CST4: variants seen among roughly 807,000 people sequenced by gnomAD.
CST4 encodes cystatin-S.
Under a neutral mutation model 11.2 loss-of-function variants are expected in CST4, and 17 were observed. The ratio of observed to expected loss-of-function variants is 1.52; its 90% CI spans 1.04 to 2.27. The LOEUF (loss-of-function observed/expected upper bound fraction) is 2.27, where lower values mean the gene tolerates loss of function less well. Among genes scored for constraint, CST4 ranks in the 30% most tolerant of loss-of-function variants. CST4 has a pLI of 0.00. For synonymous variants in CST4, 93 were observed against 70.1 expected (o/e 1.33, Z -1.63); for missense variants, 251 against 180.2 (o/e 1.39, Z -2.25).
chr20:23,686,314 C>T lies in CST4; in HGVS notation c.343-337G>A, dbSNP rs142082801. ...GCTCAGTTCCCCCAGCTCCTTCCAC[C>T]TCCAGCACCCAGGCCAGCACTAAGA... On this transcript the variant is annotated intron_variant, in intron 2 of 2. Coordinates refer to ENST00000217423, the MANE Select transcript of CST4 (RefSeq NM_001899.3). 9.8e-3 allele frequency among the ~76,000 whole-genome samples: 1,494 copies of T among 152,248 alleles called. 26 individuals are homozygous for T. The highest frequency in any genetic ancestry group is 0.034 in the African/African-American group (1,396 of 41,546).
intron 1 of CST4, among the ~76,000 whole-genome samples, chr20:23,688,062 G>T (rs1204023540): frequency 1.3e-5 from 2 of 152,194 alleles, no homozygotes; most frequent in East Asian, 3.9e-4. Context: ...ACTATTTGCT[G>T]CTCTGCCATG....
intron 2 of CST4, among the ~76,000 whole-genome samples, chr20:23,686,857 C>A (rs1981059804): frequency 6.6e-6 from 1 of 152,112 alleles, no homozygotes; most frequent in South Asian, 2.1e-4. Flanking sequence ...TGCTTCCATA[C>A]ACCTACCCGC....
At position 23,687,194 on chromosome 20, in the gene CST4, C is replaced by A. The variant is rs376322004; in HGVS notation, c.236G>T (p.Gly79Val). 63 of 1,613,882 alleles carry A rather than the reference C, an allele frequency of 3.9e-5. No homozygotes were observed. Among genetic ancestry groups the A allele is most frequent in the South Asian group, 2.0e-4 (18 of 91,094 alleles). The change falls in exon 2 of 3, where the codon GGG (glycine) becomes GTG (valine). Residue 79 changes from glycine to valine, a missense_variant. Gly to Val is a moderately radical substitution (Grantham distance 109). Coordinates refer to ENST00000217423, the MANE Select transcript of CST4 (RefSeq NM_001899.3). ...TACGTCGAAGAAGTAATTCACCCCC[C>A]CAAAGGTCTGCACACAGGAGAAAAC... is the stretch of plus-strand genomic sequence containing the variant. ...QVLRAREQTF[G>V]GVNYFFDVEV...
rs761150010 is a variant in CST4, at chr20:23,688,987, A to G, written c.-18T>C. ...CGGGCCATGGTCTCCTCAGAGGCAG[A>G]GCACAAAGCTGGAGCTGCAGGAGAG... On this transcript the variant is annotated 5_prime_UTR_variant, in exon 1 of 3. Coordinates refer to ENST00000217423, the MANE Select transcript of CST4 (RefSeq NM_001899.3). The G allele has an allele frequency of 1.9e-6, 3 of 1,610,492 alleles. No homozygotes were observed. In the South Asian group the frequency reaches 3.3e-5, roughly 18 times the overall value.
At chr20:23,687,044 C>T (rs767898600) in intron 2 of CST4, 44 bp downstream of exon 2, 1 of 1,613,038 alleles carries the variant, frequency 6.2e-7, no homozygotes. Flanking sequence ...ATACGCACCC[C>T]TCTGCAGTGC....
At chr20:23,686,217 C>T (rs1568723697) in intron 2 of CST4, among the ~76,000 whole-genome samples, 1 of 152,156 alleles carries the variant, frequency 6.6e-6, no homozygotes, top group Non-Finnish European at 1.5e-5. Flanking sequence ...GTGTCCTGTC[C>T]CATCACAGCC....
At chr20:23,686,277 C>T (rs1374861092) in intron 2 of CST4, among the ~76,000 whole-genome samples, 1 of 152,134 alleles carries the variant, frequency 6.6e-6, no homozygotes, top group Non-Finnish European at 1.5e-5. Context: ...GGGTGCAGGA[C>T]ATGGGGAGGT....
rs750948834 is a variant in CST4, at chr20:23,688,946, C to G, written c.24G>C (p.Leu8=). 6.2e-7 allele frequency: 1 copy of G among 1,614,062 alleles called. No individual in the cohort carries two copies. Among genetic ancestry groups the G allele is most frequent in the Non-Finnish European group, 8.5e-7 (1 of 1,179,978 alleles). Residue 8 remains leucine, a synonymous_variant, in exon 1 of 3, where the codon CTG becomes CTC. Transcript: ENST00000217423. ...CAGCCAGGGTAGCCATCAGGAGTAGCAGGGTACACAGAGGCCGGGCCATGG... is the reference window on the plus strand; with the variant it reads ...CAGCCAGGGTAGCCATCAGGAGTAGGAGGGTACACAGAGGCCGGGCCATGG... The part of the protein sequence containing the change: MARPLCT[L]LLLMATLAGA...
At chr20:23,688,599 A>G in intron 1 of CST4, 143 bp downstream of exon 1, 2 of 781,964 alleles carry the variant, frequency 2.6e-6, no homozygotes, top group Non-Finnish European at 2.1e-6. Context: ...CATGAAGGGC[A>G]TCAGCGGAGA....
At position 23,685,921 on chromosome 20, in the gene CST4, C is replaced by G; in HGVS notation, c.399G>C (p.Leu133=). Reference sequence around the variant, plus strand: ...AGGCTTCTTGACACCTGGAATTCACCAGGGACATTCTGTCCTCCCAGGGAA... The same window carrying G: ...AGGCTTCTTGACACCTGGAATTCACGAGGGACATTCTGTCCTCCCAGGGAA... ...YEVPWEDRMS[L]VNSRCQEA The change falls in exon 3 of 3, where the codon CTG becomes CTC. Residue 133 remains leucine (L), a synonymous_variant. Transcript: ENST00000217423. 2 of 1,614,106 alleles carry G rather than the reference C, an allele frequency of 1.2e-6. No homozygotes were observed. The highest frequency in any genetic ancestry group is 8.5e-7 in the Non-Finnish European group (1 of 1,179,936).
At chr20:23,687,840 C>A (rs1981098031) in intron 1 of CST4, among the ~76,000 whole-genome samples, 1 of 152,224 alleles carries the variant, frequency 6.6e-6, no homozygotes, top group Non-Finnish European at 1.5e-5. Context: ...ATAAAATAGG[C>A]TTCCAGGTCT....
At chr20:23,687,032 A>C in intron 2 of CST4, 56 bp downstream of exon 2, 4 of 1,608,010 alleles carry the variant, frequency 2.5e-6, no homozygotes, top group Non-Finnish European at 3.4e-6. Flanking sequence ...AGAGGCTGAC[A>C]CATACGCACC....
intron 1 of CST4, 83 bp downstream of exon 1, chr20:23,688,659 G>T (rs2122561983): frequency 1.6e-6 from 2 of 1,280,040 alleles, no homozygotes; most frequent in Non-Finnish European, 2.3e-6. Context: ...ATGTGTCAGT[G>T]TTGATTTGCT....
In CST4 at chr20:23,688,763, C is replaced by T. The variant is rs772677988; in HGVS notation, c.207G>A (p.Gln69=). Residue 69 remains glutamine, a synonymous_variant, in exon 1 of 3, where the codon CAG becomes CAA. Transcript: ENST00000217423. ...CCACCTGCTCCCTGGCTCGCAGCAC[C>T]TGCAGCGGGCGTCTGTAGTACTCAT... is the stretch of plus-strand genomic sequence containing the variant. The part of the protein sequence containing the change: ...TEDEYYRRPL[Q]VLRAREQTFG... 3 of 1,614,182 alleles carry T rather than the reference C, an allele frequency of 1.9e-6. No homozygotes were observed. Among genetic ancestry groups the T allele is most frequent in the Non-Finnish European group, 1.7e-6 (2 of 1,180,020 alleles).
chr20:23,685,985 A>T lies in CST4; in HGVS notation c.343-8T>A. On this transcript the variant is annotated splice_polypyrimidine_tract_variant and splice_region_variant and intron_variant, in intron 2 of 2. Coordinates refer to ENST00000217423, the MANE Select transcript of CST4 (RefSeq NM_001899.3). Reference sequence around the variant, plus strand: ...GAAAGAGCACAACTGTTTCTGTGAAAGGGAAGAGAGAGGGCCAATCAGTGT... The same window carrying T: ...GAAAGAGCACAACTGTTTCTGTGAATGGGAAGAGAGAGGGCCAATCAGTGT... 1.2e-6 allele frequency: 2 copies of T among 1,613,430 alleles called. No individual in the cohort carries two copies. Among genetic ancestry groups the T allele is most frequent in the Non-Finnish European group, 1.7e-6 (2 of 1,179,356 alleles).
chr20:23,687,393 A>G (rs1283853157), intron 1 of CST4, among the ~76,000 whole-genome samples, 192 bp from the exon 2 acceptor site: 2 of 152,078 alleles, frequency 1.3e-5, no homozygotes, highest in African/African-American at 4.8e-5. Flanking sequence ...GCTCTTAAAC[A>G]TCGTTTTCTC....
chr20:23,687,115 G>A lies in CST4; in HGVS notation c.315C>T (p.Ala105=), dbSNP rs769655582. ...TCTGCAGTTCTGGCTGTTCATGGAA[G>A]GCACAGGTGTCCAAGTTGGGCTGGG... ...TKSQPNLDTC[A]FHEQPELQKK... is the part of the protein sequence containing the mutation. Residue 105 remains alanine, a synonymous_variant, in exon 2 of 3, where the codon GCC becomes GCT. Coordinates refer to ENST00000217423, the MANE Select transcript of CST4 (RefSeq NM_001899.3). 28 of 1,614,034 alleles carry A rather than the reference G, an allele frequency of 1.7e-5. No individual in the cohort carries two copies. In the Admixed American group the frequency reaches 4.5e-4, roughly 26 times the overall value.
chr20:23,686,688 A>G (rs1183277349), intron 2 of CST4, among the ~76,000 whole-genome samples: 2 of 152,066 alleles, frequency 1.3e-5, no homozygotes, highest in African/African-American at 4.8e-5. Context: ...ACCATTCCCA[A>G]GCTAAAGCCT....
rs1981024325 is a variant in CST4, at chr20:23,685,913, G to C, written c.407C>G (p.Ser136Cys). 6.2e-7 allele frequency: 1 copy of C among 1,613,992 alleles called. No individual in the cohort carries two copies. Among genetic ancestry groups the C allele is most frequent in the African/African-American group, 1.3e-5 (1 of 74,938 alleles). The change falls in exon 3 of 3, where the codon TCC (serine) becomes TGC (cysteine). Residue 136 changes from serine (S) to cysteine (C), a missense_variant. By Grantham distance (112) the Ser-to-Cys change is moderately radical. Transcript: ENST00000217423. The part of the protein sequence containing the change: ...PWEDRMSLVN[S>C]RCQEA ...AGACCCCTAGGCTTCTTGACACCTG[G>C]AATTCACCAGGGACATTCTGTCCTC... is the stretch of plus-strand genomic sequence containing the variant.
Sources: gnomAD v4.1 joint callset for allele counts (sites outside exome capture counted in the v4.1 genomes callset) on GRCh38, gnomAD v4.1.1 for gene constraint, MANE v1.5 for transcripts, NCBI Gene and HGNC (gene_info 2026-07-23, HGNC 2026-07-21) for gene names.